Variants in STRN4 observed in about 807,000 individuals in gnomAD.
The protein encoded by STRN4 is striatin 4, also known as striatin-4.
In STRN4, 27 loss-of-function variants were observed where a neutral mutation model predicts 77.9. That is an observed-to-expected ratio of 0.35 (90% CI 0.26 to 0.48). The LOEUF is 0.48. Ranked by LOEUF, STRN4 falls within the 20% of genes least tolerant of loss-of-function variation. The pLI is 0.99. For synonymous variants in STRN4, 466 were observed against 443.1 expected (o/e 1.05, Z -0.65); for missense variants, 798 against 1,049.7 (o/e 0.76, Z 3.31).
chr19:46,721,719 C>A (rs1191966488), intron 16 of STRN4: 1 of 442,724 alleles, frequency 2.3e-6, no homozygotes, highest in Non-Finnish European at 4.2e-6. Context: ...AGCGTCTGGG[C>A]ATCAGGGCCC....
Position 46,730,729 on chromosome 19 carries a change from C to T in STRN4, c.879+3G>A. ...CTGTGCAGGGCATGGAGGAAGGGCTCACCTTCACACGCTGCTTCTTGTGCT... is the reference window on the plus strand; with the variant it reads ...CTGTGCAGGGCATGGAGGAAGGGCTTACCTTCACACGCTGCTTCTTGTGCT... On this transcript the variant is annotated splice_donor_region_variant and intron_variant, in intron 6 of 17. Coordinates refer to ENST00000263280, the MANE Select transcript of STRN4 (RefSeq NM_013403.3). The T allele has an allele frequency of 6.2e-7, 1 of 1,611,480 alleles. No individual in the cohort carries two copies. The highest frequency in any genetic ancestry group is 8.5e-7 in the Non-Finnish European group (1 of 1,179,960).
chr19:46,735,214 G>A (rs1026465170), intron 4 of STRN4, among the ~76,000 whole-genome samples: 8 of 152,102 alleles, frequency 5.3e-5, no homozygotes, highest in Admixed American at 3.3e-4. Context: ...GCTGAAGCAC[G>A]AGAATCACTT....
rs1238148536 is a variant in STRN4, at chr19:46,734,974, A to G, written c.540-1738T>C. On this transcript the variant is annotated intron_variant, in intron 4 of 17. Transcript: ENST00000263280. Reference sequence around the variant, plus strand: ...CTACTGCACCCGGCCGATGTTTGCAACTCTTTAACAGTGAAAACAAATCCC... The same window carrying G: ...CTACTGCACCCGGCCGATGTTTGCAGCTCTTTAACAGTGAAAACAAATCCC... Among the ~76,000 whole-genome samples, 3 of 151,882 alleles carry G rather than the reference A, an allele frequency of 2.0e-5. No homozygotes were observed. In the East Asian group the frequency reaches 5.8e-4, roughly 29 times the overall value.
At position 46,746,341 on chromosome 19, in the gene STRN4, CCCAGTGGGG is replaced by C; in HGVS notation, c.81_89del (p.Pro28_Gly30del). Reference sequence around the variant, plus strand: ...GGGCAGGGGCGGAGACCGGGGCCGCCCCAGTGGGGCCAGGGCCCGCGCCTGAGCCGAGCG... The same window carrying C: ...GGGCAGGGGCGGAGACCGGGGCCGCCCCAGGGCCCGCGCCTGAGCCGAGCG... On this transcript the variant is annotated inframe_deletion, in exon 1 of 18. Transcript: ENST00000263280. 1 of 1,274,218 alleles carries C rather than the reference CCCAGTGGGG, an allele frequency of 7.8e-7. No individual in the cohort carries two copies. The highest frequency in any genetic ancestry group is 9.8e-7 in the Non-Finnish European group (1 of 1,015,570). The allele number at this position is 1,274,218 out of a possible 1,614,324, so 78.9% of individuals were successfully genotyped here. A position where few individuals can be genotyped will look rare whatever the true frequency, so the allele number is the denominator to read the frequency against.
At position 46,728,779 on chromosome 19, in the gene STRN4, T is replaced by C; in HGVS notation, c.880-2A>G. On this transcript the variant is annotated splice_acceptor_variant, in intron 6 of 17. Transcript: ENST00000263280. LOFTEE classifies it high-confidence loss of function. ...GGGCACCAGAGCCTTGGATGGGAGC[T>C]GGCACATGGAGAAAGCCAGACAAGT... The C allele has an allele frequency of 6.2e-7, 1 of 1,614,004 alleles. No individual in the cohort carries two copies. Among genetic ancestry groups the C allele is most frequent in the Non-Finnish European group, 8.5e-7 (1 of 1,179,872 alleles).
Position 46,738,902 on chromosome 19 carries a change from C to T in STRN4, c.283-14G>A. The T allele has an allele frequency of 6.2e-7, 1 of 1,611,294 alleles. No homozygotes were observed. Among genetic ancestry groups the T allele is most frequent in the Non-Finnish European group, 8.5e-7 (1 of 1,178,214 alleles). ...GGCCACCTGAGCCTGGGAGGGCAGACAGGAGGCAAAGGGAGATAATGGGGC... is the reference window on the plus strand; with the variant it reads ...GGCCACCTGAGCCTGGGAGGGCAGATAGGAGGCAAAGGGAGATAATGGGGC... On this transcript the variant is annotated splice_polypyrimidine_tract_variant and intron_variant, in intron 1 of 17. Coordinates refer to ENST00000263280, the MANE Select transcript of STRN4 (RefSeq NM_013403.3). The surrounding 1 kb of genome is among the most constrained non-coding windows in gnomAD (Gnocchi z 4.5).
Position 46,724,918 on chromosome 19 carries a change from A to G in STRN4, c.1483T>C (p.Leu495=). 1 of 1,614,032 alleles carries G rather than the reference A, an allele frequency of 6.2e-7. No homozygotes were observed. Among genetic ancestry groups the G allele is most frequent in the South Asian group, 1.1e-5 (1 of 91,092 alleles). ...HAFRAHRGPV[L]AVAMGSNSEY... is the part of the protein sequence containing the mutation. ...CTGTTGCTGCCCATAGCCACAGCCA[A>G]CACTGGGCCCCTGGAAGGGACAAAT... The change falls in exon 12 of 18, where the codon TTG becomes CTG. Residue 495 remains leucine (L), a synonymous_variant. Coordinates refer to ENST00000263280, the MANE Select transcript of STRN4 (RefSeq NM_013403.3).
In STRN4 at chr19:46,728,637, A is replaced by G; in HGVS notation, c.1020T>C (p.Asp340=). The G allele has an allele frequency of 6.2e-7, 1 of 1,613,878 alleles. No individual in the cohort carries two copies. The highest frequency in any genetic ancestry group is 8.5e-7 in the Non-Finnish European group (1 of 1,179,908). The change falls in exon 7 of 18, where the codon GAT becomes GAC. Residue 340 remains aspartate, a synonymous_variant. Coordinates refer to ENST00000263280, the MANE Select transcript of STRN4 (RefSeq NM_013403.3). ...GCTCACCCAGCTCATGGGGGCTCCC[A>G]TCCACAGTGCACCGCCGAGGGTCTG... ...GAPDPRRCTV[D]GSPHELESRR... is the part of the protein sequence containing the mutation.
Position 46,738,389 on chromosome 19 carries a change from C to A in STRN4, c.387-152G>T. The A allele has an allele frequency of 1.3e-6, 1 of 793,950 alleles. No homozygotes were observed. The allele number at this position is 793,950 out of a possible 1,614,324, so 49.2% of individuals were successfully genotyped here. On this transcript the variant is annotated intron_variant, in intron 2 of 17. Coordinates refer to ENST00000263280, the MANE Select transcript of STRN4 (RefSeq NM_013403.3). The surrounding 1 kb of genome is among the most constrained non-coding windows in gnomAD (Gnocchi z 4.5). ...TGAAGCATCCCCCCACACCCCTGGC[C>A]TGGTGGAAGAAACCACTCCCTGGAG...
At chr19:46,731,492 G>A (rs935427259) in intron 5 of STRN4, 2 of 153,230 alleles carry the variant, frequency 1.3e-5, no homozygotes, top group African/African-American at 4.8e-5. Context: ...GGAGAAGGCA[G>A]GGTGCAATTC....
chr19:46,730,541 A>T (rs2054224411), intron 6 of STRN4, among the ~76,000 whole-genome samples, 191 bp downstream of exon 6: 1 of 152,150 alleles, frequency 6.6e-6, no homozygotes, highest in Non-Finnish European at 1.5e-5. Context: ...CTCCACCACA[A>T]CGCGTCCTTC....
intron 12 of STRN4, among the ~76,000 whole-genome samples, 154 bp downstream of exon 12, chr19:46,724,653 A>C (rs1286774159): frequency 6.6e-6 from 1 of 152,254 alleles, no homozygotes; most frequent in Non-Finnish European, 1.5e-5. Flanking sequence ...CACGCGCTGC[A>C]TCGCGCTGCT....
intron 11 of STRN4, 66 bp from the exon 12 acceptor site, chr19:46,724,994 C>T (rs1375780948): frequency 1.9e-6 from 3 of 1,604,452 alleles, no homozygotes; most frequent in Non-Finnish European, 2.6e-6. Context: ...GCCACAGGAC[C>T]TAAGTTCCCT....
chr19:46,746,116 GT>G (rs1249598998), intron 1 of STRN4, 32 bp downstream of exon 1: 3 of 1,469,272 alleles, frequency 2.0e-6, no homozygotes, highest in Non-Finnish European at 2.7e-6. Context: ...GCCGGGCCGG[GT>G]TGGGGGTCGG....
Position 46,725,663 on chromosome 19 carries a change from A to T in STRN4, c.1249-15T>A. ...CTGTCAGACAGCTGGGGTTGGGGGG[A>T]GCTGCCTCAGTGTCTTCGCATCCAT... On this transcript the variant is annotated splice_polypyrimidine_tract_variant and intron_variant, in intron 9 of 17. Coordinates refer to ENST00000263280, the MANE Select transcript of STRN4 (RefSeq NM_013403.3). 6.2e-7 allele frequency: 1 copy of T among 1,611,930 alleles called. No individual in the cohort carries two copies. The highest frequency in any genetic ancestry group is 1.3e-5 in the African/African-American group (1 of 74,926).
chr19:46,730,710 A>G, intron 6 of STRN4, 22 bp downstream of exon 6: 1 of 1,609,930 alleles, frequency 6.2e-7, no homozygotes. Context: ...CAGGCTGTGC[A>G]GGGCATGGAG....
rs371280148 is a variant in STRN4, at chr19:46,738,124, C to T, written c.460+40G>A. Reference sequence around the variant, plus strand: ...GCTTCTCCAGAACACTCAGCTTCTGCGGGAGGGTGCCGACAGTGCGAGCAT... The same window carrying T: ...GCTTCTCCAGAACACTCAGCTTCTGTGGGAGGGTGCCGACAGTGCGAGCAT... On this transcript the variant is annotated intron_variant, in intron 3 of 17. Transcript: ENST00000263280. The surrounding 1 kb of genome is among the most constrained non-coding windows in gnomAD (Gnocchi z 4.5). The T allele has an allele frequency of 1.1e-5, 18 of 1,591,474 alleles. No homozygotes were observed. The highest frequency in any genetic ancestry group is 3.3e-5 in the South Asian group (3 of 90,596).
chr19:46,744,944 G>A lies in STRN4; in HGVS notation c.282+1205C>T, dbSNP rs3786707. On this transcript the variant is annotated intron_variant, in intron 1 of 17. Coordinates refer to ENST00000263280, the MANE Select transcript of STRN4 (RefSeq NM_013403.3). ...TCACAAACCCTAGCCCAACTCCTCA[G>A]ACTCTTCCATTCAACATCCCTGTCC... Among the ~76,000 whole-genome samples, 51 of 152,022 alleles carry A rather than the reference G, an allele frequency of 3.4e-4. No individual in the cohort carries two copies. In the East Asian group the frequency reaches 9.3e-3, roughly 28 times the overall value.
intron 17 of STRN4, 23 bp from the exon 18 acceptor site, chr19:46,720,361 GAGACTGAGCCGCCGC>G: frequency 2.5e-6 from 1 of 398,034 alleles, no homozygotes; most frequent in East Asian, 3.8e-5. Context: ...GAAGGGAGGG[GAGACTGAGCCGCCGC>G]CTCTAGGGCG....
Sources: gnomAD v4.1 joint callset for allele counts (sites outside exome capture counted in the v4.1 genomes callset) on GRCh38, gnomAD v4.1.1 for gene constraint, Gnocchi (gnomAD v3.1) non-coding constraint, MANE v1.5 for transcripts, NCBI Gene and HGNC (gene_info 2026-07-23, HGNC 2026-07-21) for gene names.